KCNN1: variants seen among roughly 807,000 people sequenced by gnomAD.
KCNN1 encodes small conductance calcium-activated potassium channel protein 1.
In KCNN1, 20 loss-of-function variants were observed where a neutral mutation model predicts 44.7. The ratio of observed to expected loss-of-function variants is 0.45; its 90% CI spans 0.32 to 0.65. KCNN1 has a LOEUF of 0.65. Ranked by LOEUF, KCNN1 falls within the 30% of genes least tolerant of loss-of-function variation. The pLI is 0.05. For synonymous variants in KCNN1, 324 were observed against 341.7 expected (o/e 0.95, Z 0.57); for missense variants, 632 against 785.3 (o/e 0.80, Z 2.33).
At position 17,981,793 on chromosome 19, in the gene KCNN1, G is replaced by A; in HGVS notation, c.583G>A (p.Val195Met). Residue 195 changes from valine (V) to methionine (M), a missense_variant, in exon 4 of 10, where the codon GTG (valine) becomes ATG (methionine). Val to Met is a conservative substitution (Grantham distance 21). Coordinates refer to ENST00000684775, the MANE Select transcript of KCNN1 (RefSeq NM_001386974.1). ...RVFLISLELAVCAIHPVPGHY... is the reference protein window; with the variant it reads ...RVFLISLELAMCAIHPVPGHY... ...GTTCCTCATCTCGCTAGAGCTGGCA[G>A]TGTGCGCCATTCACCCGGTGCCCGG... 1 of 1,613,178 alleles carries A rather than the reference G, an allele frequency of 6.2e-7. No individual in the cohort carries two copies. Among genetic ancestry groups the A allele is most frequent in the Non-Finnish European group, 8.5e-7 (1 of 1,179,450 alleles).
In KCNN1 at chr19:17,983,776, C is replaced by A. The variant is rs535136806; in HGVS notation, c.918-1536C>A. 6.6e-6 allele frequency among the ~76,000 whole-genome samples: 1 copy of A among 151,964 alleles called. No individual in the cohort carries two copies. The highest frequency in any genetic ancestry group is 1.5e-5 in the Non-Finnish European group (1 of 67,966). On this transcript the variant is annotated intron_variant, in intron 4 of 9. Transcript: ENST00000684775. The surrounding 1 kb of genome is among the most constrained non-coding windows in gnomAD (Gnocchi z 4.5). ...CATCGCTCCGTCTGGATCTGGGGCT[C>A]ACCCACCCACCGACTAGAGGGCACC... is the stretch of plus-strand genomic sequence containing the variant.
intron 1 of KCNN1, among the ~76,000 whole-genome samples, chr19:17,953,774 A>G (rs372473126): frequency 2.6e-5 from 4 of 152,220 alleles, no homozygotes; most frequent in African/African-American, 9.6e-5. Flanking sequence ...ACAAAAAATT[A>G]AAAAAATTAG....
chr19:17,983,994 A>G lies in KCNN1; in HGVS notation c.918-1318A>G, dbSNP rs2032511003. On this transcript the variant is annotated intron_variant, in intron 4 of 9. Coordinates refer to ENST00000684775, the MANE Select transcript of KCNN1 (RefSeq NM_001386974.1). This position sits in a 1 kb window ranked among gnomAD's most constrained non-coding sequence, Gnocchi z 4.5. ...AACATGGTGAAACCCTGTCTCTACT[A>G]AAAATACAAAAAAAAAAAATTAGAT... 6.6e-6 allele frequency among the ~76,000 whole-genome samples: 1 copy of G among 151,740 alleles called. No individual in the cohort carries two copies. The highest frequency in any genetic ancestry group is 2.1e-4 in the South Asian group (1 of 4,796).
At chr19:17,982,705 G>A (rs2032459349) in intron 4 of KCNN1, 17 of 588,600 alleles carry the variant, frequency 2.9e-5, no homozygotes, top group South Asian at 7.3e-5. Flanking sequence ...CGGGCCCGGC[G>A]GGGTGGGTCG....
At chr19:17,958,032 T>C (rs1459296288) in intron 2 of KCNN1, among the ~76,000 whole-genome samples, 2 of 152,018 alleles carry the variant, frequency 1.3e-5, no homozygotes, top group African/African-American at 2.4e-5. Context: ...GGAGCACTCA[T>C]TGTGCTTGGG....
chr19:17,988,154 CAAAAA>C (rs59928660), intron 5 of KCNN1, among the ~76,000 whole-genome samples: 2 of 53,524 alleles, frequency 3.7e-5, no homozygotes, highest in Non-Finnish European at 3.6e-5. Flanking sequence ...GACTCCATCT[CAAAAA>C]AAAAAAAAAA....
At chr19:17,967,475 G>T (rs571291593) in intron 1 of KCNN1, among the ~76,000 whole-genome samples, 158 bp downstream of exon 1, 14 of 152,236 alleles carry the variant, frequency 9.2e-5, no homozygotes, top group Non-Finnish European at 1.6e-4. Flanking sequence ...CAGGAAAGGT[G>T]GGGGGAATGA....
chr19:17,972,089 CT>C (rs1460384566), intron 1 of KCNN1: 2 of 152,072 alleles, frequency 1.3e-5, no homozygotes, highest in African/African-American at 4.8e-5. Context: ...AAATCATTAG[CT>C]GGGGGTGGTG....
At chr19:17,992,424 A>G (rs938710331) in intron 7 of KCNN1, among the ~76,000 whole-genome samples, 3 of 152,126 alleles carry the variant, frequency 2.0e-5, no homozygotes, top group African/African-American at 7.2e-5. Flanking sequence ...ACATGGTGAA[A>G]CCCCATCTCT....
rs1287526876 is a variant in KCNN1 at position 17,998,980 on chromosome 19, AC to A, written c.*576del. 6.6e-6 allele frequency: 1 copy of A among 151,984 alleles called. No homozygotes were observed. The highest frequency in any genetic ancestry group is 1.5e-5 in the Non-Finnish European group (1 of 68,064). 9.4% of individuals were successfully genotyped at this position (151,984 alleles called of 1,614,324 possible). A position where few individuals can be genotyped will look rare whatever the true frequency, so the allele number is the denominator to read the frequency against. ...CAGAAGCATCGCTCCCCTTCAACCAACCGCGTTGATGGACACCCACTGTGTG... is the reference window on the plus strand; with the variant it reads ...CAGAAGCATCGCTCCCCTTCAACCAACGCGTTGATGGACACCCACTGTGTG... On this transcript the variant is annotated 3_prime_UTR_variant, in exon 10 of 10. Coordinates refer to ENST00000684775, the MANE Select transcript of KCNN1 (RefSeq NM_001386974.1). This position sits in a 1 kb window ranked among gnomAD's most constrained non-coding sequence, Gnocchi z 5.4.
chr19:17,963,991 G>C (rs1395877973), upstream of KCNN1, among the ~76,000 whole-genome samples: 2 of 152,202 alleles, frequency 1.3e-5, no homozygotes, highest in East Asian at 3.9e-4. Flanking sequence ...TTCCCTCTTT[G>C]GAGAGGGTTG....
In KCNN1 at chr19:17,974,960, A is replaced by G; in HGVS notation, c.403-132A>G. ...TGGGGAACTAGCAGAAATTCAGGGT[A>G]CAGTGGGAGAAGCCACTGGGAAGAG... On this transcript the variant is annotated intron_variant, in intron 2 of 9. Transcript: ENST00000684775. This position sits in a 1 kb window ranked among gnomAD's most constrained non-coding sequence, Gnocchi z 7.3. 1.5e-6 allele frequency: 1 copy of G among 670,340 alleles called. No individual in the cohort carries two copies. Among genetic ancestry groups the G allele is most frequent in the Non-Finnish European group, 2.7e-6 (1 of 373,642 alleles). 41.5% of individuals were successfully genotyped at this position (670,340 alleles called of 1,614,324 possible). A position where few individuals can be genotyped will look rare whatever the true frequency, so the allele number is the denominator to read the frequency against.
chr19:17,960,680 C>T (rs928042786), intron 2 of KCNN1, among the ~76,000 whole-genome samples: 2 of 151,886 alleles, frequency 1.3e-5, no homozygotes, highest in African/African-American at 4.8e-5. Context: ...GTTGTGCTGT[C>T]ACAGTTCTAG....
chr19:17,967,222 C>T lies in KCNN1; in HGVS notation c.-177C>T, dbSNP rs2031844001. 1 of 979,252 alleles carries T rather than the reference C, an allele frequency of 1.0e-6. No homozygotes were observed. Among genetic ancestry groups the T allele is most frequent in the Non-Finnish European group, 1.2e-6 (1 of 825,324 alleles). The allele number at this position is 979,252 out of a possible 1,614,324, so 60.7% of individuals were successfully genotyped here. ...GCCCGCTCGCTGCTGCCCGCCCCGT[C>T]CGCGACCCCGGCTCCGGCTCCCGAC... On this transcript the variant is annotated 5_prime_UTR_variant, in exon 1 of 10. Coordinates refer to ENST00000684775, the MANE Select transcript of KCNN1 (RefSeq NM_001386974.1).
intron 3 of KCNN1, among the ~76,000 whole-genome samples, chr19:17,975,565 C>T (rs959328004): frequency 2.0e-5 from 3 of 151,342 alleles, no homozygotes; most frequent in Non-Finnish European, 4.4e-5. Flanking sequence ...GGATTACAGG[C>T]GCATGGCACC....
At chr19:17,968,572 TG>T (rs1262515006) in intron 1 of KCNN1, among the ~76,000 whole-genome samples, 1 of 152,012 alleles carries the variant, frequency 6.6e-6, no homozygotes, top group Non-Finnish European at 1.5e-5. Context: ...TGGAGGGCCC[TG>T]GGGGCCTGAC....
chr19:17,998,208 G>T lies in KCNN1; in HGVS notation c.1434G>T (p.Leu478=). 1 of 1,592,668 alleles carries T rather than the reference G, an allele frequency of 6.3e-7. No homozygotes were observed. ...VSELHAQHEE[L]EARLATLESR... is the part of the protein sequence containing the mutation. ...AGCTGCACGCTCAGCACGAGGAGCT[G>T]GAGGCCCGCCTGGCCACCCTGGAAA... Residue 478 remains leucine, a synonymous_variant, in exon 10 of 10, where the codon CTG becomes CTT. Coordinates refer to ENST00000684775, the MANE Select transcript of KCNN1 (RefSeq NM_001386974.1). The surrounding 1 kb of genome is among the most constrained non-coding windows in gnomAD (Gnocchi z 5.4).
chr19:17,989,541 A>G (rs903506476), intron 6 of KCNN1, among the ~76,000 whole-genome samples, 175 bp from the exon 7 acceptor site: 1 of 152,224 alleles, frequency 6.6e-6, no homozygotes, highest in African/African-American at 2.4e-5. Context: ...GATGTGTGTT[A>G]GGTATACACA....
At chr19:17,994,195 T>G (rs1157834344) in intron 9 of KCNN1, among the ~76,000 whole-genome samples, 1 of 151,868 alleles carries the variant, frequency 6.6e-6, no homozygotes, top group Non-Finnish European at 1.5e-5. Flanking sequence ...CTATAATCCC[T>G]GTACTTTGGG....
Sources: gnomAD v4.1 joint callset for allele counts (sites outside exome capture counted in the v4.1 genomes callset) on GRCh38, gnomAD v4.1.1 for gene constraint, Gnocchi (gnomAD v3.1) non-coding constraint, MANE v1.5 for transcripts, NCBI Gene and HGNC (gene_info 2026-07-23, HGNC 2026-07-21) for gene names.